The following LOXL2 variants were observed in gnomAD, a reference collection of about 807,000 sequenced individuals.
The protein encoded by LOXL2 is lysyl oxidase homolog 2.
LOXL2 carries 70 observed loss-of-function variants against 93.0 expected under a neutral mutation model. The observed-to-expected ratio is 0.75, with a 90% CI of 0.62 to 0.92. The LOEUF (loss-of-function observed/expected upper bound fraction) is 0.92. Among genes scored for constraint, LOXL2 ranks in the 40% least tolerant of loss-of-function variants. The probability of loss-of-function intolerance (pLI) is 0.00; values close to 1 mark genes in which losing one functional copy is unlikely to be tolerated. For missense variants in LOXL2, 973 were observed against 1,054.9 expected, an observed-to-expected ratio of 0.92 and a Z score of 1.08; for synonymous variants, 438 against 413.2, an observed-to-expected ratio of 1.06 and a Z score of -0.73.
chr8:23,329,315 G>A (rs921342866), intron 5 of LOXL2, among the ~76,000 whole-genome samples: 1 of 152,236 alleles, frequency 6.6e-6, no homozygotes, highest in Non-Finnish European at 1.5e-5. Context: ...AGAAGATGCA[G>A]CCCAATCAGC....
rs2294131 is a variant in LOXL2, at chr8:23,333,249, G to T, written c.966+152C>A. The T allele has an allele frequency of 0.014, 9,603 of 677,780 alleles. 868 individuals are homozygous for T. The East Asian group carries it at 0.21, about 15-fold the overall frequency. The allele number at this position is 677,780 out of a possible 1,614,324, so 42.0% of individuals were successfully genotyped here. ...CTCCCCCAGGTGGTCCTTCTCTGCAGAGGGCGCTCAGGTCTCAGAGTAAAG... is the reference window on the plus strand; with the variant it reads ...CTCCCCCAGGTGGTCCTTCTCTGCATAGGGCGCTCAGGTCTCAGAGTAAAG... On this transcript the variant is annotated intron_variant, in intron 5 of 13. Transcript: ENST00000389131.
chr8:23,328,708 G>T (rs2117166639), intron 5 of LOXL2, 143 bp from the exon 6 acceptor site: 1 of 422,720 alleles, frequency 2.4e-6, no homozygotes, highest in Non-Finnish European at 4.2e-6. Flanking sequence ...TTGATGTATG[G>T]ATGTGTGTGT....
chr8:23,373,478 G>A (rs1479685653), intron 1 of LOXL2, among the ~76,000 whole-genome samples: 3 of 152,126 alleles, frequency 2.0e-5, no homozygotes, highest in Non-Finnish European at 4.4e-5. Context: ...GGAACTACAG[G>A]CAAGAGCCAC....
intron 3 of LOXL2, among the ~76,000 whole-genome samples, chr8:23,355,987 C>T (rs187465344): frequency 1.3e-5 from 2 of 152,202 alleles, no homozygotes; most frequent in Admixed American, 6.5e-5. Flanking sequence ...TCCCCATGAA[C>T]TTTGATATAG....
intron 1 of LOXL2, among the ~76,000 whole-genome samples, chr8:23,372,589 C>T (rs1317753877): frequency 2.6e-5 from 4 of 152,198 alleles, no homozygotes; most frequent in African/African-American, 7.2e-5. Context: ...ATATACCATG[C>T]GTACATTAAC....
In LOXL2 at chr8:23,354,588, C is replaced by CTGTGTGTGTGTGTG. The variant is rs35274565; in HGVS notation, c.531+5488_531+5501dup. ...ACACATGCTGGTTGGCATCCCTTCTCTGTGTGTGTGTGTGTGTGTTCTCAC... is the reference window on the plus strand; with the variant it reads ...ACACATGCTGGTTGGCATCCCTTCTCTGTGTGTGTGTGTGTGTGTGTGTGTGTGTGTGTTCTCAC... On this transcript the variant is annotated intron_variant, in intron 3 of 13. Coordinates refer to ENST00000389131, the MANE Select transcript of LOXL2 (RefSeq NM_002318.3). Among the ~76,000 whole-genome samples, 365 of 150,904 alleles carry CTGTGTGTGTGTGTG rather than the reference C, an allele frequency of 2.4e-3. 1 individual carries two copies. Among genetic ancestry groups the CTGTGTGTGTGTGTG allele is most frequent in the African/African-American group, 7.9e-3 (323 of 41,098 alleles).
chr8:23,346,040 C>T (rs1277972469), intron 3 of LOXL2, among the ~76,000 whole-genome samples: 7 of 149,032 alleles, frequency 4.7e-5, no homozygotes, highest in African/African-American at 1.5e-4. Context: ...TGCACTCTAG[C>T]CTGGGCGACA....
At chr8:23,332,170 ACTCT>A (rs1283231958) in intron 5 of LOXL2, among the ~76,000 whole-genome samples, 3 of 149,378 alleles carry the variant, frequency 2.0e-5, no homozygotes, top group Non-Finnish European at 4.5e-5. Flanking sequence ...ACACACTCAC[ACTCT>A]CTCACACACA....
intron 3 of LOXL2, among the ~76,000 whole-genome samples, chr8:23,350,702 G>A (rs1331721557): frequency 6.6e-6 from 1 of 152,202 alleles, no homozygotes; most frequent in African/African-American, 2.4e-5. Context: ...GGCCTGGAGA[G>A]CTGAGGTCAT....
intron 1 of LOXL2, among the ~76,000 whole-genome samples, chr8:23,385,503 G>A (rs539976406): frequency 1.3e-5 from 2 of 150,202 alleles, no homozygotes; most frequent in African/African-American, 2.4e-5. Context: ...TAAGTGATCC[G>A]CCCGGCTCAG....
intron 9 of LOXL2, among the ~76,000 whole-genome samples, chr8:23,313,428 G>A (rs1259970544): frequency 6.6e-6 from 1 of 151,988 alleles, no homozygotes; most frequent in Non-Finnish European, 1.5e-5. Flanking sequence ...AAAACAGCAT[G>A]GTACTGGTAC....
chr8:23,368,261 G>T lies in LOXL2; in HGVS notation c.91C>A (p.Pro31Thr). The change falls in exon 2 of 14, where the codon CCC becomes ACC. Residue 31 changes from proline (P) to threonine (T), a missense_variant. Coordinates refer to ENST00000389131, the MANE Select transcript of LOXL2 (RefSeq NM_002318.3). Reference protein sequence around the residue: ...PLSLAQYDSWPHYPEYFQQPA... With the variant: ...PLSLAQYDSWTHYPEYFQQPA... ...TGCTGGAAGTACTCGGGGTAATGGG[G>T]CCAGCTGTCATACTGTGCCAGGCTC... is the stretch of plus-strand genomic sequence containing the variant. The T allele has an allele frequency of 1.2e-6, 2 of 1,613,874 alleles. No homozygotes were observed. Among genetic ancestry groups the T allele is most frequent in the East Asian group, 2.2e-5 (1 of 44,864 alleles).
intron 6 of LOXL2, among the ~76,000 whole-genome samples, chr8:23,324,332 G>A (rs1340997922): frequency 6.6e-6 from 1 of 152,126 alleles, no homozygotes; most frequent in African/African-American, 2.4e-5. Flanking sequence ...ACAAGGCTCC[G>A]GGGGGCAGGG....
At chr8:23,326,817 G>A (rs1803584318) in intron 6 of LOXL2, among the ~76,000 whole-genome samples, 1 of 152,166 alleles carries the variant, frequency 6.6e-6, no homozygotes, top group Non-Finnish European at 1.5e-5. Flanking sequence ...TGGCCCAATG[G>A]AAGCTGCCAG....
intron 1 of LOXL2, among the ~76,000 whole-genome samples, chr8:23,398,848 A>G (rs902514574): frequency 1.3e-5 from 2 of 151,674 alleles, no homozygotes; most frequent in Non-Finnish European, 2.9e-5. Context: ...GGGTCTCCCT[A>G]TGTTGCCAGC....
chr8:23,375,836 G>T (rs1042142670), intron 1 of LOXL2, among the ~76,000 whole-genome samples: 17 of 152,116 alleles, frequency 1.1e-4, no homozygotes, highest in African/African-American at 4.1e-4. Flanking sequence ...AGGAGATTTT[G>T]GGCTGAGACG....
chr8:23,321,789 A>G, intron 7 of LOXL2: 1 of 238,966 alleles, frequency 4.2e-6, no homozygotes, highest in Non-Finnish European at 8.2e-6. Context: ...CCAGCAGAGC[A>G]CAGCCAGGCT....
At chr8:23,398,128 G>A (rs1449110255) in intron 1 of LOXL2, among the ~76,000 whole-genome samples, 7 of 152,118 alleles carry the variant, frequency 4.6e-5, no homozygotes, top group Admixed American at 4.6e-4. Flanking sequence ...GGTATATCAG[G>A]ACAAGCCTGG....
At chr8:23,394,112 G>C (rs1023223559) in intron 1 of LOXL2, among the ~76,000 whole-genome samples, 7 of 152,102 alleles carry the variant, frequency 4.6e-5, no homozygotes, top group African/African-American at 1.4e-4. Flanking sequence ...AGAAACCCAG[G>C]CTAGGCACGG....
Sources: gnomAD v4.1 joint callset for allele counts (sites outside exome capture counted in the v4.1 genomes callset) on GRCh38, gnomAD v4.1.1 for gene constraint, MANE v1.5 for transcripts, NCBI Gene and HGNC (gene_info 2026-07-23, HGNC 2026-07-21) for gene names.